EVC: variants seen among roughly 807,000 people sequenced by gnomAD.
The protein encoded by EVC is evC complex member EVC.
In EVC, 116 loss-of-function variants were observed where a neutral mutation model predicts 118.9. That is an observed-to-expected ratio of 0.98 (90% CI 0.84 to 1.14). EVC has a LOEUF of 1.14. Ranked by LOEUF, EVC falls within the 50% of genes most tolerant of loss-of-function variation. The pLI, the probability that EVC is intolerant of heterozygous loss-of-function variation, is 0.00. For synonymous variants in EVC, 619 were observed against 534.7 expected, an observed-to-expected ratio of 1.16 and a Z score of -2.18; for missense variants, 1,401 against 1,246.4, an observed-to-expected ratio of 1.12 and a Z score of -1.87.
chr4:5,765,304 A>G (rs1732696864), intron 11 of EVC, among the ~76,000 whole-genome samples: 1 of 116,300 alleles, frequency 8.6e-6, no homozygotes, highest in Admixed American at 7.8e-5. Context: ...ACATTTGCTG[A>G]GGAGAGCATT....
intron 17 of EVC, among the ~76,000 whole-genome samples, chr4:5,806,375 C>T (rs1715914270): frequency 6.6e-6 from 1 of 152,128 alleles, no homozygotes; most frequent in Non-Finnish European, 1.5e-5. Context: ...CCACTGCGCC[C>T]AGCCTGTCAT....
intron 5 of EVC, among the ~76,000 whole-genome samples, chr4:5,735,595 T>A (rs533509275): frequency 6.6e-6 from 1 of 152,304 alleles, no homozygotes; most frequent in East Asian, 1.9e-4. Context: ...GCACGTACAC[T>A]CTGGTAGGCT....
intron 11 of EVC, among the ~76,000 whole-genome samples, chr4:5,780,509 A>G (rs1302134634): frequency 6.6e-6 from 1 of 152,214 alleles, no homozygotes; most frequent in African/African-American, 2.4e-5. Context: ...ACTGTTATAT[A>G]GATTGAGTGA....
At chr4:5,774,721 A>T (rs949014514) in intron 11 of EVC, among the ~76,000 whole-genome samples, 2 of 152,048 alleles carry the variant, frequency 1.3e-5, no homozygotes, top group Non-Finnish European at 1.5e-5. Context: ...GGGGGAGGGG[A>T]TAGCCTCCTA....
intron 11 of EVC, among the ~76,000 whole-genome samples, chr4:5,778,763 G>A (rs986126950): frequency 6.6e-6 from 1 of 152,126 alleles, no homozygotes; most frequent in Non-Finnish European, 1.5e-5. Context: ...TGAGTAGGTT[G>A]GGAAAATGTT....
At position 5,804,820 on chromosome 4, in the gene EVC, C is replaced by A; in HGVS notation, c.2540C>A (p.Thr847Asn). Residue 847 changes from threonine (T) to asparagine (N), a missense_variant, in exon 17 of 21, where the codon ACC (threonine) becomes AAC (asparagine). By Grantham distance (65) the Thr-to-Asn change is moderately conservative. Transcript: ENST00000264956. ...AGGACGGCAGGTGGCGCTCATGAGACCTCCCAGGCGGTCCACCAGAGGTGA... is the reference window on the plus strand; with the variant it reads ...AGGACGGCAGGTGGCGCTCATGAGAACTCCCAGGCGGTCCACCAGAGGTGA... ...GSRTAGGAHE[T>N]SQAVHQRMLS... 2 of 1,614,082 alleles carry A rather than the reference C, an allele frequency of 1.2e-6. No homozygotes were observed. The highest frequency in any genetic ancestry group is 1.7e-6 in the Non-Finnish European group (2 of 1,180,008).
At chr4:5,819,074 T>C (rs138140007), downstream of EVC, among the ~76,000 whole-genome samples, 1 of 152,148 alleles carries the variant, frequency 6.6e-6, no homozygotes, top group Non-Finnish European at 1.5e-5. Flanking sequence ...ATAAATGGTG[T>C]TGGGTCAATG....
At position 5,756,502 on chromosome 4, in the gene EVC, T is replaced by C. The variant is rs1731198676; in HGVS notation, c.1563+140T>C. On this transcript the variant is annotated intron_variant, in intron 11 of 20. Coordinates refer to ENST00000264956, the MANE Select transcript of EVC (RefSeq NM_153717.3). The surrounding 1 kb of genome is among the most constrained non-coding windows in gnomAD (Gnocchi z 4.2). ...ATTGGCCGGTGATCCACGCAGGCTG[T>C]GTCCCCTCCATGCGATCCTCCTTGC... 1 of 735,100 alleles carries C rather than the reference T, an allele frequency of 1.4e-6. No individual in the cohort carries two copies. The highest frequency in any genetic ancestry group is 1.5e-5 in the South Asian group (1 of 65,990). 45.5% of individuals were successfully genotyped at this position (735,100 alleles called of 1,614,324 possible).
At chr4:5,791,330 A>G (rs1276985954) in intron 12 of EVC, among the ~76,000 whole-genome samples, 1 of 152,210 alleles carries the variant, frequency 6.6e-6, no homozygotes, top group Non-Finnish European at 1.5e-5. Flanking sequence ...TTCTGAAGAA[A>G]TAAAATAGAC....
At position 5,729,393 on chromosome 4, in the gene EVC, G is replaced by A; in HGVS notation, c.384+3G>A. 6.2e-7 allele frequency: 1 copy of A among 1,613,894 alleles called. No individual in the cohort carries two copies. Among genetic ancestry groups the A allele is most frequent in the Non-Finnish European group, 8.5e-7 (1 of 1,179,812 alleles). On this transcript the variant is annotated splice_donor_region_variant and intron_variant, in intron 3 of 20. Coordinates refer to ENST00000264956, the MANE Select transcript of EVC (RefSeq NM_153717.3). ...ACCCCATCAATCAGAAGTTCCGGGT[G>A]AGAGTCCTGAGCTCCATCATAGAAA...
At chr4:5,819,755 C>A in the EVC span, among the ~76,000 whole-genome samples, 7 of 152,162 alleles carry the variant, frequency 4.6e-5, no homozygotes, top group Non-Finnish European at 8.8e-5. Flanking sequence ...AGCCGAACAT[C>A]AAAAATCCTT....
At chr4:5,800,574 C>T (rs1368934194) in intron 15 of EVC, among the ~76,000 whole-genome samples, 2 of 151,978 alleles carry the variant, frequency 1.3e-5, no homozygotes, top group Non-Finnish European at 2.9e-5. Flanking sequence ...GGGGTGTCCG[C>T]CACTTTACTG....
At chr4:5,733,530 G>T in intron 5 of EVC, 95 bp downstream of exon 5, 4 of 1,075,060 alleles carry the variant, frequency 3.7e-6, no homozygotes, top group Non-Finnish European at 5.7e-6. Context: ...CCCTTGAGAG[G>T]CAGACATCAG....
At chr4:5,723,985 A>T (rs141993961) in intron 2 of EVC, among the ~76,000 whole-genome samples, 1 of 152,298 alleles carries the variant, frequency 6.6e-6, no homozygotes, top group African/African-American at 2.4e-5. Context: ...GGAGGCCAGG[A>T]AGGATTTTAA....
chr4:5,761,326 T>C (rs1731972364), intron 11 of EVC, among the ~76,000 whole-genome samples: 1 of 151,808 alleles, frequency 6.6e-6, no homozygotes, highest in African/African-American at 2.4e-5. Context: ...GGGTCCTGGG[T>C]GTGAATCTCA....
intron 2 of EVC, among the ~76,000 whole-genome samples, chr4:5,728,876 G>A (rs1266633100): frequency 6.6e-6 from 1 of 152,176 alleles, no homozygotes; most frequent in East Asian, 1.9e-4. Context: ...GCTGAAGATT[G>A]TAATTAAATG....
intron 13 of EVC, among the ~76,000 whole-genome samples, chr4:5,794,554 G>A (rs1251074423): frequency 3.3e-5 from 5 of 151,098 alleles, no homozygotes; most frequent in African/African-American, 9.7e-5. Flanking sequence ...GGGATTACAG[G>A]TGCCCACCAT....
At chr4:5,818,013 C>G (rs1478673782), downstream of EVC, among the ~76,000 whole-genome samples, 1 of 152,168 alleles carries the variant, frequency 6.6e-6, no homozygotes, top group African/African-American at 2.4e-5. Flanking sequence ...TGTGTCCCCA[C>G]CCAAATCTCA....
chr4:5,762,086 G>A (rs1357341770), intron 11 of EVC, among the ~76,000 whole-genome samples: 1 of 130,492 alleles, frequency 7.7e-6, no homozygotes, highest in Non-Finnish European at 1.5e-5. Context: ...AGAGTGTGAT[G>A]TTCCCCTTCC....
Sources: allele counts gnomAD v4.1 joint callset (sites outside exome capture counted in the v4.1 genomes callset), GRCh38; gene constraint gnomAD v4.1.1; non-coding constraint Gnocchi (gnomAD v3.1); transcripts MANE v1.5; gene names NCBI Gene and HGNC (gene_info 2026-07-23, HGNC 2026-07-21).